The following ACOT7 variants were observed in gnomAD, a reference collection of about 807,000 sequenced individuals.
ACOT7 encodes the protein cytosolic acyl coenzyme A thioester hydrolase.
Under a neutral mutation model 40.2 loss-of-function variants are expected in ACOT7, and 12 were observed. The ratio of observed to expected loss-of-function variants is 0.30; its 90% CI spans 0.19 to 0.48. ACOT7 has a LOEUF of 0.48. Among genes scored for constraint, ACOT7 ranks in the 20% least tolerant of loss-of-function variants. The pLI, the probability that ACOT7 is intolerant of heterozygous loss-of-function variation, is 0.99. For synonymous variants in ACOT7, 228 were observed against 219.5 expected (o/e 1.04, Z -0.34); for missense variants, 395 against 530.8 (o/e 0.74, Z 2.51).
intron 1 of ACOT7, among the ~76,000 whole-genome samples, chr1:6,351,295 T>C (rs909695270): frequency 6.6e-6 from 1 of 152,236 alleles, no homozygotes; most frequent in Non-Finnish European, 1.5e-5. Flanking sequence ...TCAGGGACAG[T>C]TGCCTGTGGA....
chr1:6,365,118 G>A (rs1451723104), intron 1 of ACOT7, among the ~76,000 whole-genome samples: 2 of 152,162 alleles, frequency 1.3e-5, no homozygotes, highest in South Asian at 4.1e-4. Context: ...TGGACAAAAA[G>A]AGAACTGTGC....
intron 2 of ACOT7, among the ~76,000 whole-genome samples, chr1:6,346,275 T>C (rs1013193073): frequency 6.6e-6 from 1 of 152,200 alleles, no homozygotes; most frequent in East Asian, 1.9e-4. Flanking sequence ...CTAATTTTTG[T>C]AGTTTTTGTA....
chr1:6,312,062 G>A (rs1006893017), intron 6 of ACOT7, among the ~76,000 whole-genome samples: 3 of 152,120 alleles, frequency 2.0e-5, no homozygotes, highest in African/African-American at 4.8e-5. Context: ...CGGATCTGAC[G>A]GAGAAGTGAG....
intron 8 of ACOT7, among the ~76,000 whole-genome samples, chr1:6,271,852 C>T (rs142716497): frequency 2.0e-5 from 3 of 152,358 alleles, no homozygotes; most frequent in Admixed American, 6.5e-5. Flanking sequence ...AGAAAGGAGG[C>T]GTAAAGGCCA....
chr1:6,339,043 T>TA (rs1257191574), intron 3 of ACOT7, among the ~76,000 whole-genome samples: 1 of 152,162 alleles, frequency 6.6e-6, no homozygotes, highest in Non-Finnish European at 1.5e-5. Context: ...AACACCTCCC[T>TA]ACGCTTGAGG....
At chr1:6,305,069 G>A (rs77305527) in intron 6 of ACOT7, among the ~76,000 whole-genome samples, 3 of 143,940 alleles carry the variant, frequency 2.1e-5, no homozygotes, top group African/African-American at 7.7e-5. Context: ...GGCCGGGCGG[G>A]GGGCTGACCC....
Position 6,275,050 on chromosome 1 carries a change from G to A in ACOT7, c.1014+6052C>T, listed in dbSNP as rs1044668690. On this transcript the variant is annotated intron_variant, in intron 8 of 8. Transcript: ENST00000361521. The surrounding 1 kb of genome is among the most constrained non-coding windows in gnomAD (Gnocchi z 5.6). ...GCGAGTGACTCCCTGCCTGGTGCCC[G>A]CCTCCTGTCTGGGGATGGGAAGCAT... 2.6e-5 allele frequency among the ~76,000 whole-genome samples: 4 copies of A among 152,154 alleles called. No homozygotes were observed. The highest frequency in any genetic ancestry group is 5.9e-5 in the Non-Finnish European group (4 of 68,000).
intron 6 of ACOT7, 141 bp from the exon 7 acceptor site, chr1:6,295,121 C>G: frequency 4.0e-5 from 21 of 531,584 alleles, no homozygotes; most frequent in East Asian, 1.0e-4. Flanking sequence ...GCAGGGTGCT[C>G]GGCCGCACGT....
At chr1:6,371,488 G>A (rs1642132947) in intron 1 of ACOT7, among the ~76,000 whole-genome samples, 1 of 151,554 alleles carries the variant, frequency 6.6e-6, no homozygotes, top group Non-Finnish European at 1.5e-5. Flanking sequence ...TCAGCCTCCT[G>A]AGTAGCTGGG....
intron 4 of ACOT7, among the ~76,000 whole-genome samples, chr1:6,332,328 A>C (rs1017482221): frequency 1.1e-4 from 16 of 152,374 alleles, no homozygotes; most frequent in African/African-American, 3.8e-4. Flanking sequence ...GGAGCTGGTC[A>C]CATCTGTCCT....
chr1:6,292,885 TTTTC>T (rs1639710190), intron 7 of ACOT7, among the ~76,000 whole-genome samples: 1 of 148,598 alleles, frequency 6.7e-6, no homozygotes, highest in South Asian at 2.1e-4. Context: ...GTCTATTTCT[TTTTC>T]TTTTTTTTTT....
chr1:6,376,252 T>TG, intron 1 of ACOT7, among the ~76,000 whole-genome samples: 1 of 151,408 alleles, frequency 6.6e-6, no homozygotes, highest in South Asian at 2.1e-4. Context: ...GCAAGAAACT[T>TG]GGTCTAAAAC....
At chr1:6,293,617 C>G (rs1639731738) in intron 7 of ACOT7, among the ~76,000 whole-genome samples, 1 of 152,222 alleles carries the variant, frequency 6.6e-6, no homozygotes, top group Non-Finnish European at 1.5e-5. Flanking sequence ...GAGAGGATCA[C>G]TTGAGCACGG....
intron 8 of ACOT7, 132 bp from the exon 9 acceptor site, chr1:6,264,827 G>T (rs559578865): frequency 6.6e-6 from 6 of 902,316 alleles, no homozygotes; most frequent in Non-Finnish European, 8.2e-6. Flanking sequence ...TGAGTACCAC[G>T]CCTCGGCCCC....
chr1:6,375,394 G>A (rs941221620), intron 1 of ACOT7, among the ~76,000 whole-genome samples: 4 of 151,960 alleles, frequency 2.6e-5, no homozygotes, highest in Non-Finnish European at 4.4e-5. Context: ...GAGGCCAGGC[G>A]CGGTGACTCA....
rs1639153661 is a variant in ACOT7 at position 6,275,204 on chromosome 1, G to A, written c.1014+5898C>T. ...CCTCCAGTCCCTTGCCCACCCAGGA[G>A]ACAGGCAGCAGCCTCTGCATCCAGC... On this transcript the variant is annotated intron_variant, in intron 8 of 8. Transcript: ENST00000361521. This position sits in a 1 kb window ranked among gnomAD's most constrained non-coding sequence, Gnocchi z 5.6. Among the ~76,000 whole-genome samples, 1 of 152,214 alleles carries A rather than the reference G, an allele frequency of 6.6e-6. No individual in the cohort carries two copies. The highest frequency in any genetic ancestry group is 2.4e-5 in the African/African-American group (1 of 41,462).
At chr1:6,304,159 G>T (rs1490194626) in intron 6 of ACOT7, among the ~76,000 whole-genome samples, 2 of 152,096 alleles carry the variant, frequency 1.3e-5, no homozygotes, top group Non-Finnish European at 2.9e-5. Flanking sequence ...AGAAATTTTG[G>T]TGGGGTGTCA....
At chr1:6,302,431 G>A (rs1639998658) in intron 6 of ACOT7, among the ~76,000 whole-genome samples, 1 of 152,160 alleles carries the variant, frequency 6.6e-6, no homozygotes, top group African/African-American at 2.4e-5. Context: ...AAGGCTCCCA[G>A]TCCCTGCAGG....
At chr1:6,313,334 C>T (rs575135308) in intron 6 of ACOT7, among the ~76,000 whole-genome samples, 63 of 152,252 alleles carry the variant, frequency 4.1e-4, no homozygotes, top group African/African-American at 1.3e-3. Context: ...GCAGAGGTTG[C>T]GGCCAGAAAG....
Sources: allele counts gnomAD v4.1 joint callset (sites outside exome capture counted in the v4.1 genomes callset), GRCh38; gene constraint gnomAD v4.1.1; non-coding constraint Gnocchi (gnomAD v3.1); transcripts MANE v1.5; gene names NCBI Gene and HGNC (gene_info 2026-07-23, HGNC 2026-07-21).